The following ARHGAP21 variants were observed in gnomAD, a reference collection of about 807,000 sequenced individuals.
The protein encoded by ARHGAP21 is rho GTPase-activating protein 21.
In ARHGAP21, 38 loss-of-function variants were observed where a neutral mutation model predicts 164.6. The ratio of observed to expected loss-of-function variants is 0.23; its 90% CI spans 0.18 to 0.30. The LOEUF is 0.30. ARHGAP21 is among the 10% of genes least tolerant of loss of function. The pLI is 1.00. For synonymous variants in ARHGAP21, 766 were observed against 857.9 expected, an observed-to-expected ratio of 0.89 and a Z score of 1.87; for missense variants, 1,822 against 2,370.7, an observed-to-expected ratio of 0.77 and a Z score of 4.81.
At chr10:24,632,012 C>T (rs968584071) in intron 6 of ARHGAP21, among the ~76,000 whole-genome samples, 4 of 152,188 alleles carry the variant, frequency 2.6e-5, no homozygotes, top group African/African-American at 9.7e-5. Context: ...TGAGCCACTG[C>T]ACCCAGCCCA....
In ARHGAP21 at chr10:24,600,494, G is replaced by A. The variant is rs2076770169; in HGVS notation, c.3132+152C>T. On this transcript the variant is annotated intron_variant, in intron 14 of 25. Coordinates refer to ENST00000396432, the MANE Select transcript of ARHGAP21 (RefSeq NM_020824.4). ...CAATGTGTGAAAATAATATAAAACA[G>A]GTATGTTTGAGTTTTCCTTTTCATC... The A allele has an allele frequency of 2.7e-5, 25 of 920,512 alleles. No individual in the cohort carries two copies. The South Asian group carries it at 4.6e-4, about 17-fold the overall frequency. 57.0% of individuals were successfully genotyped at this position (920,512 alleles called of 1,614,324 possible). A position where few individuals can be genotyped will look rare whatever the true frequency, so the allele number is the denominator to read the frequency against.
rs187137781 is a variant in ARHGAP21, at chr10:24,653,269, G to C, written c.268+13716C>G. On this transcript the variant is annotated intron_variant, in intron 4 of 25. Coordinates refer to ENST00000396432, the MANE Select transcript of ARHGAP21 (RefSeq NM_020824.4). ...CCTGTTTAGAAGAGGATTTTGTTTT[G>C]TTTTGTTTAAGAGACAAGGTCTTGG... 4.6e-5 allele frequency among the ~76,000 whole-genome samples: 7 copies of C among 152,138 alleles called. No individual in the cohort carries two copies. In the East Asian group the frequency reaches 1.4e-3, roughly 30 times the overall value.
chr10:24,656,170 G>A (rs1191116886), intron 4 of ARHGAP21, among the ~76,000 whole-genome samples: 2 of 138,750 alleles, frequency 1.4e-5, no homozygotes, highest in Non-Finnish European at 3.1e-5. Flanking sequence ...GGTGGGGGGG[G>A]TCAGCCCCCC....
intron 5 of ARHGAP21, among the ~76,000 whole-genome samples, chr10:24,634,668 C>G (rs1565066553): frequency 6.6e-6 from 1 of 152,200 alleles, no homozygotes; most frequent in Non-Finnish European, 1.5e-5. Context: ...GATTATTTCA[C>G]TTATATCAAA....
chr10:24,710,667 G>C (rs1302599696), intron 2 of ARHGAP21, among the ~76,000 whole-genome samples: 1 of 152,114 alleles, frequency 6.6e-6, no homozygotes, highest in East Asian at 1.9e-4. Context: ...AAATGTGGAA[G>C]GACACTTCTA....
chr10:24,651,937 T>C (rs1176937518), intron 4 of ARHGAP21, among the ~76,000 whole-genome samples: 1 of 152,216 alleles, frequency 6.6e-6, no homozygotes, highest in African/African-American at 2.4e-5. Context: ...GCAGCACTTA[T>C]TATAAAGCCA....
chr10:24,597,888 G>T, intron 15 of ARHGAP21, 57 bp downstream of exon 15: 2 of 1,525,382 alleles, frequency 1.3e-6, no homozygotes, highest in South Asian at 1.2e-5. Context: ...GCAAATAAGG[G>T]GGATGACTGT....
chr10:24,682,797 A>C (rs979425497), intron 2 of ARHGAP21, among the ~76,000 whole-genome samples: 2 of 151,858 alleles, frequency 1.3e-5, no homozygotes, highest in Admixed American at 6.6e-5. Flanking sequence ...TCTGTTTTTC[A>C]GCGGGTATTG....
intron 4 of ARHGAP21, among the ~76,000 whole-genome samples, chr10:24,664,554 CAAA>C (rs905581787): frequency 1.5e-5 from 2 of 136,318 alleles, no homozygotes; most frequent in Non-Finnish European, 3.2e-5. Flanking sequence ...GATTCCGTCT[CAAA>C]AAAAAAAAAT....
rs1485747443 is a variant in ARHGAP21 at position 24,619,589 on chromosome 10, G to C, written c.2306C>G (p.Thr769Ser). 12 of 1,614,066 alleles carry C rather than the reference G, an allele frequency of 7.4e-6. No homozygotes were observed. The highest frequency in any genetic ancestry group is 1.6e-4 in the Middle Eastern group (1 of 6,084). Residue 769 changes from threonine (T) to serine (S), a missense_variant, in exon 9 of 26, where the codon ACT (threonine) becomes AGT (serine). Thr to Ser is a moderately conservative substitution (Grantham distance 58). Transcript: ENST00000396432. ...AVNDQETGSD[T>S]TCWLPNDARR... ...TGCATCATTGGGCAGCCAGCAGGTA[G>C]TGTCTGACCCGGTCTCCTGGTCATT...
chr10:24,628,082 C>CA (rs1392364157), intron 7 of ARHGAP21, among the ~76,000 whole-genome samples: 4 of 152,290 alleles, frequency 2.6e-5, no homozygotes, highest in African/African-American at 9.6e-5. Context: ...ATAAGAAGAG[C>CA]ACTAGAGAAG....
chr10:24,640,217 T>G (rs1473858903), intron 4 of ARHGAP21: 1 of 151,590 alleles, frequency 6.6e-6, no homozygotes, highest in Non-Finnish European at 1.5e-5. Flanking sequence ...ATGTCGGAAG[T>G]TTAGCAGGAC....
At chr10:24,701,830 G>A (rs375585226) in intron 2 of ARHGAP21, among the ~76,000 whole-genome samples, 5 of 152,136 alleles carry the variant, frequency 3.3e-5, no homozygotes, top group East Asian at 1.9e-4. Context: ...AAAACAGACC[G>A]CAGGCTGTAT....
chr10:24,614,718 G>A (rs1253163718), intron 9 of ARHGAP21, among the ~76,000 whole-genome samples: 1 of 148,674 alleles, frequency 6.7e-6, no homozygotes, highest in East Asian at 2.0e-4. Flanking sequence ...GGAAGGCAGA[G>A]GTTGCAGTGA....
intron 4 of ARHGAP21, among the ~76,000 whole-genome samples, chr10:24,656,016 G>A (rs1187235618): frequency 7.7e-5 from 11 of 142,104 alleles, no homozygotes; most frequent in South Asian, 2.3e-4. Context: ...CCCTCCGCCC[G>A]GCAGCTGCCC....
intron 4 of ARHGAP21, among the ~76,000 whole-genome samples, chr10:24,652,671 A>C (rs1838303229): frequency 6.6e-6 from 1 of 152,218 alleles, no homozygotes; most frequent in Admixed American, 6.5e-5. Context: ...AAAGGTAATC[A>C]ACCTCATTAG....
At chr10:24,624,030 T>G (rs1023695878) in intron 7 of ARHGAP21, among the ~76,000 whole-genome samples, 2 of 152,188 alleles carry the variant, frequency 1.3e-5, no homozygotes, top group African/African-American at 4.8e-5. Context: ...TATTCCTGTA[T>G]GGCAATTCTA....
At chr10:24,681,899 G>C (rs1841796122) in intron 2 of ARHGAP21, among the ~76,000 whole-genome samples, 2 of 152,070 alleles carry the variant, frequency 1.3e-5, no homozygotes, top group Non-Finnish European at 2.9e-5. Context: ...GCATGCTTGG[G>C]GGGAAGGACA....
intron 2 of ARHGAP21, among the ~76,000 whole-genome samples, chr10:24,674,272 A>C (rs1210024486): frequency 1.3e-5 from 2 of 151,920 alleles, no homozygotes; most frequent in Non-Finnish European, 2.9e-5. Context: ...AGTGGCTCAC[A>C]CCTGTAATCC....
Sources: allele counts gnomAD v4.1 joint callset (sites outside exome capture counted in the v4.1 genomes callset), GRCh38; gene constraint gnomAD v4.1.1; transcripts MANE v1.5; gene names NCBI Gene and HGNC (gene_info 2026-07-23, HGNC 2026-07-21).